GALNT7: variants seen among roughly 807,000 people sequenced by gnomAD.
The protein encoded by GALNT7 is N-acetylgalactosaminyltransferase 7.
In GALNT7, 60 loss-of-function variants were observed where a neutral mutation model predicts 82.1. The observed-to-expected ratio is 0.73, with a 90% CI of 0.59 to 0.91. The LOEUF (loss-of-function observed/expected upper bound fraction) is 0.91, where lower values mean the gene tolerates loss of function less well. Among genes scored for constraint, GALNT7 ranks in the 40% least tolerant of loss-of-function variants. The pLI is 0.00. For synonymous variants in GALNT7, 243 were observed against 275.1 expected, an observed-to-expected ratio of 0.88 and a Z score of 1.15; for missense variants, 660 against 804.2, an observed-to-expected ratio of 0.82 and a Z score of 2.17.
intron 1 of GALNT7, among the ~76,000 whole-genome samples, chr4:173,222,735 CG>C (rs1245746495): frequency 6.6e-6 from 1 of 152,012 alleles, no homozygotes; most frequent in Non-Finnish European, 1.5e-5. Context: ...TATTTACCTG[CG>C]ATTATATAGC....
intron 2 of GALNT7, among the ~76,000 whole-genome samples, chr4:173,266,245 G>A (rs975504891): frequency 1.3e-5 from 2 of 152,134 alleles, no homozygotes; most frequent in Non-Finnish European, 2.9e-5. Context: ...GGGCAACAAA[G>A]CAAGACTCTG....
At chr4:173,229,939 G>C (rs1291141765) in intron 1 of GALNT7, among the ~76,000 whole-genome samples, 2 of 151,878 alleles carry the variant, frequency 1.3e-5, no homozygotes, top group Admixed American at 1.3e-4. Context: ...ACATTGGCAG[G>C]CTGTCTTAAG....
At chr4:173,200,992 T>C (rs1732927860) in intron 1 of GALNT7, among the ~76,000 whole-genome samples, 1 of 152,208 alleles carries the variant, frequency 6.6e-6, no homozygotes, top group Admixed American at 6.5e-5. Flanking sequence ...AGGTATTTAA[T>C]TCTTGCAGTC....
At chr4:173,183,646 G>C (rs571303602) in intron 1 of GALNT7, among the ~76,000 whole-genome samples, 3 of 152,186 alleles carry the variant, frequency 2.0e-5, no homozygotes, top group Admixed American at 1.3e-4. Context: ...ATCATGGCCC[G>C]TTCTCAATGA....
intron 1 of GALNT7, among the ~76,000 whole-genome samples, chr4:173,228,215 T>C (rs908262645): frequency 2.7e-5 from 4 of 148,428 alleles, no homozygotes; most frequent in African/African-American, 9.8e-5. Context: ...ATGTAGGGAA[T>C]AAGGAAAACC....
At chr4:173,266,592 C>A (rs1038564742) in intron 2 of GALNT7, among the ~76,000 whole-genome samples, 1 of 152,146 alleles carries the variant, frequency 6.6e-6, no homozygotes, top group African/African-American at 2.4e-5. Flanking sequence ...CCCAAGGTAA[C>A]TCTTTTTAAA....
At chr4:173,315,039 G>T (rs1008031616) in intron 9 of GALNT7, among the ~76,000 whole-genome samples, 3 of 151,138 alleles carry the variant, frequency 2.0e-5, no homozygotes, top group Admixed American at 6.6e-5. Context: ...GACAGATGGT[G>T]ATAAATGATA....
In GALNT7 at chr4:173,241,874, G is replaced by C. The variant is rs557137201; in HGVS notation, c.127-6106G>C. Among the ~76,000 whole-genome samples, 46 of 152,228 alleles carry C rather than the reference G, an allele frequency of 3.0e-4. 1 individual carries two copies. Among genetic ancestry groups the C allele is most frequent in the Middle Eastern group, 6.8e-3 (2 of 294 alleles). Reference sequence around the variant, plus strand: ...CCCGATAAAATCTTCCCAGTAGGTGGCTAAAACTGCTTCACAGACTTGCCC... The same window carrying C: ...CCCGATAAAATCTTCCCAGTAGGTGCCTAAAACTGCTTCACAGACTTGCCC... On this transcript the variant is annotated intron_variant, in intron 1 of 11. Coordinates refer to ENST00000265000, the MANE Select transcript of GALNT7 (RefSeq NM_017423.3).
intron 1 of GALNT7, among the ~76,000 whole-genome samples, chr4:173,197,469 CTCT>C (rs1442288772): frequency 6.6e-6 from 1 of 152,294 alleles, no homozygotes; most frequent in Admixed American, 6.5e-5. Context: ...AAAGATCTTT[CTCT>C]TCTTTCTGAA....
intron 2 of GALNT7, among the ~76,000 whole-genome samples, chr4:173,251,341 G>A (rs1223966938): frequency 2.6e-5 from 4 of 152,122 alleles, no homozygotes; most frequent in African/African-American, 7.2e-5. Flanking sequence ...TGACATAATT[G>A]ACTACAAAAA....
At chr4:173,290,488 TG>T (rs1177312291) in intron 2 of GALNT7, among the ~76,000 whole-genome samples, 2 of 152,142 alleles carry the variant, frequency 1.3e-5, no homozygotes, top group Non-Finnish European at 2.9e-5. Context: ...CTCTAGGAGA[TG>T]AGATTTGACA....
chr4:173,318,501 C>T lies in GALNT7; in HGVS notation c.1778C>T (p.Ser593Leu). Residue 593 changes from serine to leucine, a missense_variant, in exon 11 of 12, where the codon TCA (serine) becomes TTA (leucine). Ser to Leu is a moderately radical substitution (Grantham distance 145). Transcript: ENST00000265000. ...TGTTTGACAAAGGGAGCTGATGGAT[C>T]AAAAGTTATGATTACACACTGTAAT... ...DQCLTKGADG[S>L]KVMITHCNLN... 1 of 1,581,476 alleles carries T rather than the reference C, an allele frequency of 6.3e-7. No homozygotes were observed. Among genetic ancestry groups the T allele is most frequent in the South Asian group, 1.1e-5 (1 of 90,024 alleles).
intron 2 of GALNT7, among the ~76,000 whole-genome samples, chr4:173,262,537 C>T (rs1274672180): frequency 1.3e-5 from 2 of 152,124 alleles, no homozygotes; most frequent in African/African-American, 2.4e-5. Flanking sequence ...TTCTTAGTTT[C>T]GCCTGAGAGC....
intron 2 of GALNT7, among the ~76,000 whole-genome samples, chr4:173,268,887 C>T (rs560329699): frequency 6.6e-6 from 1 of 152,100 alleles, no homozygotes; most frequent in Non-Finnish European, 1.5e-5. Context: ...TCCTCGTGTG[C>T]ATGCCCATCA....
At chr4:173,233,025 A>G (rs1472246938) in intron 1 of GALNT7, among the ~76,000 whole-genome samples, 3 of 152,224 alleles carry the variant, frequency 2.0e-5, no homozygotes, top group Non-Finnish European at 2.9e-5. Flanking sequence ...TTCACATAGC[A>G]TGATGACCTT....
intron 2 of GALNT7, among the ~76,000 whole-genome samples, chr4:173,270,110 G>C (rs1014528653): frequency 6.6e-6 from 1 of 152,220 alleles, no homozygotes; most frequent in Non-Finnish European, 1.5e-5. Context: ...TTCTGCAGAA[G>C]TATAGCGCAA....
chr4:173,171,583 T>C (rs1275077680), intron 1 of GALNT7, among the ~76,000 whole-genome samples: 6 of 152,262 alleles, frequency 3.9e-5, no homozygotes. Context: ...TTCCTTGTTT[T>C]AGGTCTGTCC....
chr4:173,244,142 G>A (rs1734533271), intron 1 of GALNT7, among the ~76,000 whole-genome samples: 1 of 152,150 alleles, frequency 6.6e-6, no homozygotes, highest in Non-Finnish European at 1.5e-5. Context: ...TTTACATATT[G>A]TCTATGGCTG....
At chr4:173,215,953 T>TA (rs928688458) in intron 1 of GALNT7, among the ~76,000 whole-genome samples, 1 of 151,648 alleles carries the variant, frequency 6.6e-6, no homozygotes, top group African/African-American at 2.4e-5. Flanking sequence ...TCTCTAAAAA[T>TA]AAAAAAATAA....
Sources: allele counts gnomAD v4.1 joint callset (sites outside exome capture counted in the v4.1 genomes callset), GRCh38; gene constraint gnomAD v4.1.1; transcripts MANE v1.5; gene names NCBI Gene and HGNC (gene_info 2026-07-23, HGNC 2026-07-21).